Variants in FTO observed in about 807,000 individuals in gnomAD.
The protein encoded by FTO is alpha-ketoglutarate-dependent dioxygenase FTO.
Under a neutral mutation model 63.9 loss-of-function variants are expected in FTO, and 47 were observed. That is an observed-to-expected ratio of 0.74 (90% CI 0.58 to 0.94). FTO has a LOEUF of 0.94. Ranked by LOEUF, FTO falls within the 40% of genes least tolerant of loss-of-function variation. The pLI, the probability that FTO is intolerant of heterozygous loss-of-function variation, is 0.00. For synonymous variants in FTO, 207 were observed against 224.4 expected (o/e 0.92, Z 0.69); for missense variants, 562 against 618.1 (o/e 0.91, Z 0.96).
At chr16:54,070,054 G>C (rs1286834312) in intron 8 of FTO, 1 of 152,056 alleles carries the variant, frequency 6.6e-6, no homozygotes, top group Non-Finnish European at 1.5e-5. Context: ...AAATGAGATA[G>C]TGTATAGTAA....
At chr16:53,987,080 G>C (rs1435086173) in intron 8 of FTO, among the ~76,000 whole-genome samples, 1 of 151,786 alleles carries the variant, frequency 6.6e-6, no homozygotes, top group Non-Finnish European at 1.5e-5. Context: ...GGCAAGAAAA[G>C]GCAGAAACAA....
At chr16:53,958,579 A>C (rs2082988926) in intron 8 of FTO, among the ~76,000 whole-genome samples, 1 of 152,180 alleles carries the variant, frequency 6.6e-6, no homozygotes, top group Admixed American at 6.5e-5. Flanking sequence ...GTAAAATATC[A>C]AGTCAAAATG....
chr16:54,067,203 G>A (rs1218355566), intron 8 of FTO, among the ~76,000 whole-genome samples: 5 of 150,198 alleles, frequency 3.3e-5, no homozygotes, highest in African/African-American at 1.2e-4. Context: ...TGCATTTCTG[G>A]TTAATTTATT....
At chr16:53,995,943 G>A (rs2083924549) in intron 8 of FTO, among the ~76,000 whole-genome samples, 1 of 152,198 alleles carries the variant, frequency 6.6e-6, no homozygotes, top group African/African-American at 2.4e-5. Flanking sequence ...TTCTGGGAAG[G>A]ATTTTCTTCC....
chr16:54,027,272 C>G (rs2084733983), intron 8 of FTO, among the ~76,000 whole-genome samples: 1 of 152,146 alleles, frequency 6.6e-6, no homozygotes, highest in Non-Finnish European at 1.5e-5. Flanking sequence ...CCCCAACAAG[C>G]ATAGCTGAAT....
At chr16:54,059,435 C>T (rs1174009988) in intron 8 of FTO, among the ~76,000 whole-genome samples, 2 of 152,118 alleles carry the variant, frequency 1.3e-5, no homozygotes, top group African/African-American at 4.8e-5. Flanking sequence ...ATCATCCCAG[C>T]TTTAGAACTC....
At chr16:54,101,595 T>C (rs2086644726) in intron 8 of FTO, among the ~76,000 whole-genome samples, 2 of 152,248 alleles carry the variant, frequency 1.3e-5, no homozygotes, top group Admixed American at 6.5e-5. Flanking sequence ...TCCATGTCTT[T>C]GCTATTGTGA....
intron 1 of FTO, among the ~76,000 whole-genome samples, chr16:53,771,061 G>C (rs1274152145): frequency 2.6e-5 from 4 of 152,080 alleles, no homozygotes; most frequent in Non-Finnish European, 4.4e-5. Flanking sequence ...CTTCGCTATA[G>C]GTTGGGGCTA....
chr16:54,077,170 A>T (rs568682021), intron 8 of FTO, among the ~76,000 whole-genome samples: 1 of 152,342 alleles, frequency 6.6e-6, no homozygotes, highest in African/African-American at 2.4e-5. Context: ...TTGTGCCTGA[A>T]TAAGATAAGC....
intron 2 of FTO, among the ~76,000 whole-genome samples, chr16:53,812,607 T>A (rs188162923): frequency 3.0e-4 from 45 of 152,292 alleles, no homozygotes; most frequent in African/African-American, 1.1e-3. Context: ...AGGTGCTGAA[T>A]GAGTTTGCTT....
chr16:54,002,692 A>G, intron 8 of FTO, among the ~76,000 whole-genome samples: 1 of 152,254 alleles, frequency 6.6e-6, no homozygotes, highest in East Asian at 1.9e-4. Context: ...TATTTTTTAA[A>G]GCAGCAATAC....
At chr16:53,741,674 C>T (rs2076530516) in intron 1 of FTO, among the ~76,000 whole-genome samples, 1 of 152,168 alleles carries the variant, frequency 6.6e-6, no homozygotes, top group South Asian at 2.1e-4. Flanking sequence ...TTCTGCCATT[C>T]TCAGCATGCA....
intron 8 of FTO, among the ~76,000 whole-genome samples, chr16:53,996,219 C>T (rs937067664): frequency 2.0e-5 from 3 of 152,116 alleles, no homozygotes; most frequent in Non-Finnish European, 4.4e-5. Flanking sequence ...CATCTTTTGA[C>T]GGTTGGTTTT....
intron 8 of FTO, among the ~76,000 whole-genome samples, chr16:54,089,937 G>A (rs904747939): frequency 3.3e-5 from 5 of 151,352 alleles, no homozygotes; most frequent in South Asian, 4.2e-4. Flanking sequence ...TGGTGGGAGC[G>A]CAAAATGGTG....
chr16:54,020,610 G>GCA (rs2084570446), intron 8 of FTO, among the ~76,000 whole-genome samples: 1 of 152,186 alleles, frequency 6.6e-6, no homozygotes, highest in East Asian at 1.9e-4. Context: ...GTTTCAGAAA[G>GCA]GCTTTTGGAG....
At chr16:53,762,356 T>C (rs982545839) in intron 1 of FTO, among the ~76,000 whole-genome samples, 9 of 152,172 alleles carry the variant, frequency 5.9e-5, no homozygotes, top group African/African-American at 1.9e-4. Context: ...TCTGTAGTTA[T>C]GCATTTCTGT....
intron 8 of FTO, among the ~76,000 whole-genome samples, chr16:53,999,153 G>C (rs964752550): frequency 6.6e-6 from 1 of 152,194 alleles, no homozygotes; most frequent in Admixed American, 6.5e-5. Flanking sequence ...CATGGGGAAT[G>C]CTGATGCTTA....
chr16:53,994,781 T>G (rs1477763551), intron 8 of FTO, among the ~76,000 whole-genome samples: 1 of 152,010 alleles, frequency 6.6e-6, no homozygotes, highest in East Asian at 1.9e-4. Context: ...TTGTCCGGAC[T>G]GCAGTACAGT....
intron 1 of FTO, among the ~76,000 whole-genome samples, chr16:53,785,664 C>T (rs951245849): frequency 6.6e-6 from 1 of 152,128 alleles, no homozygotes; most frequent in Non-Finnish European, 1.5e-5. Flanking sequence ...GTAATCCCAG[C>T]ACTTTGGGAG....
Sources: allele counts gnomAD v4.1 joint callset (sites outside exome capture counted in the v4.1 genomes callset), GRCh38; gene constraint gnomAD v4.1.1; transcripts MANE v1.5; gene names NCBI Gene and HGNC (gene_info 2026-07-23, HGNC 2026-07-21).